ZAR1: variants seen among roughly 807,000 people sequenced by gnomAD.
ZAR1 encodes zygote arrest protein 1.
ZAR1 carries 37 observed loss-of-function variants against 38.3 expected under a neutral mutation model. The ratio of observed to expected loss-of-function variants is 0.97; its 90% CI spans 0.74 to 1.27. The LOEUF is 1.27. Ranked by LOEUF, ZAR1 falls within the 50% of genes most tolerant of loss-of-function variation. The probability of loss-of-function intolerance (pLI) is 0.00; values close to 1 mark genes in which losing one functional copy is unlikely to be tolerated. For synonymous variants in ZAR1, 336 were observed against 292.0 expected (o/e 1.15, Z -1.53); for missense variants, 651 against 632.4 (o/e 1.03, Z -0.32).
chr4:48,494,186 G>A lies in ZAR1; in HGVS notation c.1217G>A (p.Arg406Lys). Reference protein sequence around the residue: ...KRPHRQDLCGRCKGKRLSCDS... With the variant: ...KRPHRQDLCGKCKGKRLSCDS... Reference sequence around the variant, plus strand: ...CCCCACCGTCAAGATTTGTGCGGTAGATGCAAAGGCAAACGCCTGTCCTGT... The same window carrying A: ...CCCCACCGTCAAGATTTGTGCGGTAAATGCAAAGGCAAACGCCTGTCCTGT... The change falls in exon 4 of 4, where the codon AGA becomes AAA. Residue 406 changes from arginine to lysine, a missense_variant. This residue lies in a region of ZAR1 where 129 missense variants were observed against 172.5 expected (regional missense o/e 0.75). Transcript: ENST00000327939. The A allele has an allele frequency of 6.2e-7, 1 of 1,614,228 alleles. No individual in the cohort carries two copies.
At position 48,490,502 on chromosome 4, in the gene ZAR1, G is replaced by A; in HGVS notation, c.211G>A (p.Ala71Thr). 6.8e-7 allele frequency: 1 copy of A among 1,471,838 alleles called. No homozygotes were observed. The highest frequency in any genetic ancestry group is 8.9e-7 in the Non-Finnish European group (1 of 1,120,558). 91.2% of individuals were successfully genotyped at this position (1,471,838 alleles called of 1,614,324 possible). The change falls in exon 1 of 4, where the codon GCC (alanine) becomes ACC (threonine). Residue 71 changes from alanine to threonine, a missense_variant. This residue lies in a region of ZAR1 where 522 missense variants were observed against 459.9 expected (regional missense o/e 1.14). Coordinates refer to ENST00000327939, the MANE Select transcript of ZAR1 (RefSeq NM_175619.3). ...CTTCCCGGGCTGCGGGCGGCTGACG[G>A]CCGCCGAGTACTTCGACAGCTACCA... is the stretch of plus-strand genomic sequence containing the variant. ...LSFPGCGRLTAAEYFDSYQRE... is the reference protein window; with the variant it reads ...LSFPGCGRLTTAEYFDSYQRE...
chr4:48,496,965 CAAGA>C (rs1718647103), downstream of ZAR1, among the ~76,000 whole-genome samples: 2 of 152,206 alleles, frequency 1.3e-5, no homozygotes, highest in African/African-American at 4.8e-5. Context: ...GAGTCTTTTC[CAAGA>C]AAGCATGTAA....
Position 48,490,289 on chromosome 4 carries a change from C to T in ZAR1, c.-3C>T. The stretch of plus-strand genomic sequence containing the variant: ...TGCGGCGGCGGGCGGGAGCAGTGCG[C>T]CCATGGCGGCCCTGGGGGACGAGGT... On this transcript the variant is annotated 5_prime_UTR_variant, in exon 1 of 4. Coordinates refer to ENST00000327939, the MANE Select transcript of ZAR1 (RefSeq NM_175619.3). 6.7e-7 allele frequency: 1 copy of T among 1,499,768 alleles called. No individual in the cohort carries two copies. The highest frequency in any genetic ancestry group is 8.8e-7 in the Non-Finnish European group (1 of 1,130,812). The allele number at this position is 1,499,768 out of a possible 1,614,324, so 92.9% of individuals were successfully genotyped here.
rs1718483894 is a variant in ZAR1, at chr4:48,492,858, G to A, written c.1056G>A (p.Lys352=). The part of the protein sequence containing the change: ...AYVWCVQGTN[K]VYFKQFCRTC... Reference sequence around the variant, plus strand: ...TGTGGTGTGTACAGGGAACTAACAAGGTAAGAAATACCAGGTAACTGGCAT... The same window carrying A: ...TGTGGTGTGTACAGGGAACTAACAAAGTAAGAAATACCAGGTAACTGGCAT... Residue 352 remains lysine (K), a splice_region_variant and synonymous_variant, in exon 2 of 4, where the codon AAG becomes AAA. Transcript: ENST00000327939. 2 of 1,614,014 alleles carry A rather than the reference G, an allele frequency of 1.2e-6. No individual in the cohort carries two copies. Among genetic ancestry groups the A allele is most frequent in the African/African-American group, 2.7e-5 (2 of 74,926 alleles).
In ZAR1 at chr4:48,491,094, A is replaced by G; in HGVS notation, c.803A>G (p.Gln268Arg). The G allele has an allele frequency of 7.8e-7, 1 of 1,285,150 alleles. No homozygotes were observed. The highest frequency in any genetic ancestry group is 9.8e-7 in the Non-Finnish European group (1 of 1,018,708). The allele number at this position is 1,285,150 out of a possible 1,614,324, so 79.6% of individuals were successfully genotyped here. ...DGPELPPREA[Q>R]EGEAAPRSAL... ...CCCGAGCTGCCGCCGCGAGAGGCCC[A>G]GGAGGGCGAGGCGGCTCCGCGGTCG... Residue 268 changes from glutamine (Q) to arginine (R), a missense_variant, in exon 1 of 4, where the codon CAG (glutamine) becomes CGG (arginine). By Grantham distance (43) the Gln-to-Arg change is conservative. This residue lies in a region of ZAR1 where 522 missense variants were observed against 459.9 expected (regional missense o/e 1.14). Transcript: ENST00000327939.
intron 2 of ZAR1, 31 bp from the exon 3 acceptor site, chr4:48,492,907 G>A (rs17609740): frequency 0.03 from 48,719 of 1,613,972 alleles, 796 homozygotes; most frequent in Admixed American, 0.057. Flanking sequence ...GTGTCAAGGC[G>A]ATTTTAAGTT....
At chr4:48,497,006 T>A (rs1162623123), downstream of ZAR1, among the ~76,000 whole-genome samples, 1 of 152,216 alleles carries the variant, frequency 6.6e-6, no homozygotes, top group Non-Finnish European at 1.5e-5. Context: ...AGGGAGGTTA[T>A]GTGTTTTGCC....
chr4:48,490,764 G>A lies in ZAR1; in HGVS notation c.473G>A (p.Arg158Gln), dbSNP rs1391194094. The change falls in exon 1 of 4, where the codon CGA becomes CAA. Residue 158 changes from arginine (R) to glutamine (Q), a missense_variant. Around this residue, in one of 2 missense-constraint regions of ZAR1, gnomAD observed 522 missense variants for 459.9 expected, o/e 1.14. Transcript: ENST00000327939. ...TCTTTCTCCCAGCAGCCATCCCGTCGAGGCCTGGAGCAGGGCAGCCCCCAG... is the reference window on the plus strand; with the variant it reads ...TCTTTCTCCCAGCAGCCATCCCGTCAAGGCCTGGAGCAGGGCAGCCCCCAG... Reference protein sequence around the residue: ...GGSFSQQPSRRGLEQGSPQNG... With the variant: ...GGSFSQQPSRQGLEQGSPQNG... The A allele has an allele frequency of 2.1e-6, 3 of 1,455,846 alleles. No homozygotes were observed. Among genetic ancestry groups the A allele is most frequent in the African/African-American group, 1.5e-5 (1 of 68,538 alleles). 90.2% of individuals were successfully genotyped at this position (1,455,846 alleles called of 1,614,324 possible).
rs1362910448 is a variant in ZAR1 at position 48,490,404 on chromosome 4, G to A, written c.113G>A (p.Gly38Asp). The A allele has an allele frequency of 6.7e-7, 1 of 1,489,964 alleles. No homozygotes were observed. The highest frequency in any genetic ancestry group is 8.9e-7 in the Non-Finnish European group (1 of 1,123,906). 92.3% of individuals were successfully genotyped at this position (1,489,964 alleles called of 1,614,324 possible). ...AATKGKGAAG[G>D]SWQQRGRGCL... ...ACCAAGGGCAAGGGCGCGGCGGGCG[G>A]CAGCTGGCAGCAGCGCGGCAGGGGC... The change falls in exon 1 of 4, where the codon GGC (glycine) becomes GAC (aspartate). Residue 38 changes from glycine to aspartate, a missense_variant. Gly to Asp is a moderately conservative substitution (Grantham distance 94). Around this residue, in one of 2 missense-constraint regions of ZAR1, gnomAD observed 522 missense variants for 459.9 expected, o/e 1.14. Transcript: ENST00000327939.
downstream of ZAR1, among the ~76,000 whole-genome samples, chr4:48,495,705 G>A (rs1378860090): frequency 2.0e-5 from 3 of 152,202 alleles, no homozygotes; most frequent in East Asian, 5.8e-4. Context: ...TAAGGGACCT[G>A]ACTTAGGGAG....
In ZAR1 at chr4:48,490,387, C is replaced by T. The variant is rs1318437802; in HGVS notation, c.96C>T (p.Gly32=). The change falls in exon 1 of 4, where the codon GGC becomes GGT. Residue 32 remains glycine (G), a synonymous_variant. Transcript: ENST00000327939. ...ACCCATACCCCGCGGCCACCAAGGG[C>T]AAGGGCGCGGCGGGCGGCAGCTGGC... ...YRYPYPAATK[G]KGAAGGSWQQ... The T allele has an allele frequency of 1.3e-6, 2 of 1,501,094 alleles. No homozygotes were observed. The highest frequency in any genetic ancestry group is 1.8e-6 in the Non-Finnish European group (2 of 1,131,670). The allele number at this position is 1,501,094 out of a possible 1,614,324, so 93.0% of individuals were successfully genotyped here.
chr4:48,490,442 T>G lies in ZAR1; in HGVS notation c.151T>G (p.Ser51Ala). 1 of 1,468,122 alleles carries G rather than the reference T, an allele frequency of 6.8e-7. No homozygotes were observed. The highest frequency in any genetic ancestry group is 9.0e-7 in the Non-Finnish European group (1 of 1,116,200). The allele number at this position is 1,468,122 out of a possible 1,614,324, so 90.9% of individuals were successfully genotyped here. A position where few individuals can be genotyped will look rare whatever the true frequency, so the allele number is the denominator to read the frequency against. The stretch of plus-strand genomic sequence containing the variant: ...GCGCGGCAGGGGCTGCCTTCCCGCC[T>G]CCTCCCCCTGCTCGGCGGGCGCGGC... ...QQRGRGCLPA[S>A]SPCSAGAASL... The change falls in exon 1 of 4, where the codon TCC becomes GCC. Residue 51 changes from serine to alanine, a missense_variant. By Grantham distance (99) the Ser-to-Ala change is moderately conservative. Around this residue, in one of 2 missense-constraint regions of ZAR1, gnomAD observed 522 missense variants for 459.9 expected, o/e 1.14. Transcript: ENST00000327939.
intron 1 of ZAR1, among the ~76,000 whole-genome samples, chr4:48,491,570 ACG>A (rs1262908691): frequency 1.3e-5 from 2 of 151,988 alleles, no homozygotes; most frequent in Non-Finnish European, 2.9e-5. Flanking sequence ...CCCTGACCGC[ACG>A]GTTGGATTAC....
chr4:48,490,468 C>T lies in ZAR1; in HGVS notation c.177C>T (p.Ala59=). The change falls in exon 1 of 4, where the codon GCC becomes GCT. Residue 59 remains alanine (A), a synonymous_variant. Transcript: ENST00000327939. ...PASSPCSAGA[A]SLSFPGCGRL... Reference sequence around the variant, plus strand: ...CCTCCCCCTGCTCGGCGGGCGCGGCCTCGTTGTCCTTCCCGGGCTGCGGGC... The same window carrying T: ...CCTCCCCCTGCTCGGCGGGCGCGGCTTCGTTGTCCTTCCCGGGCTGCGGGC... The T allele has an allele frequency of 6.8e-7, 1 of 1,465,668 alleles. No homozygotes were observed. The highest frequency in any genetic ancestry group is 8.9e-7 in the Non-Finnish European group (1 of 1,118,504). 90.8% of individuals were successfully genotyped at this position (1,465,668 alleles called of 1,614,324 possible).
rs1718489044 is a variant in ZAR1, at chr4:48,493,013, G to A, written c.1131+1G>A. 6.2e-7 allele frequency: 1 copy of A among 1,613,990 alleles called. No homozygotes were observed. Among genetic ancestry groups the A allele is most frequent in the African/African-American group, 1.3e-5 (1 of 74,932 alleles). ...CCGAGTGGAGGATATCACCTGTCAA[G>A]TAAATCAGATGTTTTGCATTTTGTC... On this transcript the variant is annotated splice_donor_variant, in intron 3 of 3. Coordinates refer to ENST00000327939, the MANE Select transcript of ZAR1 (RefSeq NM_175619.3). LOFTEE classifies it high-confidence loss of function.
At position 48,491,045 on chromosome 4, in the gene ZAR1, A is replaced by G; in HGVS notation, c.754A>G (p.Ser252Gly). Residue 252 changes from serine to glycine, a missense_variant, in exon 1 of 4, where the codon AGC becomes GGC. This residue lies in a region of ZAR1 where 522 missense variants were observed against 459.9 expected (regional missense o/e 1.14). Transcript: ENST00000327939. ...CGAGGCCCAGGCCGCAGTCCGAGCG[A>G]GCTGGGAGCAGCCGGCCGACGGTCC... is the stretch of plus-strand genomic sequence containing the variant. ...DGEAQAAVRA[S>G]WEQPADGPEL... 7.5e-7 allele frequency: 1 copy of G among 1,340,424 alleles called. No individual in the cohort carries two copies. The highest frequency in any genetic ancestry group is 9.5e-7 in the Non-Finnish European group (1 of 1,051,518). 83.0% of individuals were successfully genotyped at this position (1,340,424 alleles called of 1,614,324 possible).
At chr4:48,491,338 A>G in intron 1 of ZAR1, 84 bp downstream of exon 1, 1 of 1,075,054 alleles carries the variant, frequency 9.3e-7, no homozygotes. Context: ...TGCTTCGGGC[A>G]CTCGGAGGTG....
In ZAR1 at chr4:48,490,431, G is replaced by A. The variant is rs1201055213; in HGVS notation, c.140G>A (p.Cys47Tyr). The change falls in exon 1 of 4, where the codon TGC becomes TAC. Residue 47 changes from cysteine (C) to tyrosine (Y), a missense_variant. Coordinates refer to ENST00000327939, the MANE Select transcript of ZAR1 (RefSeq NM_175619.3). Reference sequence around the variant, plus strand: ...AGCTGGCAGCAGCGCGGCAGGGGCTGCCTTCCCGCCTCCTCCCCCTGCTCG... The same window carrying A: ...AGCTGGCAGCAGCGCGGCAGGGGCTACCTTCCCGCCTCCTCCCCCTGCTCG... ...GGSWQQRGRGCLPASSPCSAG... is the reference protein window; with the variant it reads ...GGSWQQRGRGYLPASSPCSAG... 1 of 1,475,958 alleles carries A rather than the reference G, an allele frequency of 6.8e-7. No homozygotes were observed. Among genetic ancestry groups the A allele is most frequent in the Admixed American group, 2.4e-5 (1 of 42,400 alleles). 91.4% of individuals were successfully genotyped at this position (1,475,958 alleles called of 1,614,324 possible).
In ZAR1 at chr4:48,490,546, T is replaced by C. The variant is rs1319940699; in HGVS notation, c.255T>C (p.Ala85=). 1 of 1,447,960 alleles carries C rather than the reference T, an allele frequency of 6.9e-7. No homozygotes were observed. Among genetic ancestry groups the C allele is most frequent in the East Asian group, 3.0e-5 (1 of 33,700 alleles). 89.7% of individuals were successfully genotyped at this position (1,447,960 alleles called of 1,614,324 possible). ...GCTACCAGCGGGAGCGGCTCATGGC[T>C]CTCCTGGCGCAGGTGGGGCCGGGTC... ...FDSYQRERLM[A]LLAQVGPGLG... is the part of the protein sequence containing the mutation. The change falls in exon 1 of 4, where the codon GCT becomes GCC. Residue 85 remains alanine (A), a synonymous_variant. Coordinates refer to ENST00000327939, the MANE Select transcript of ZAR1 (RefSeq NM_175619.3).
Sources: allele counts gnomAD v4.1 joint callset (sites outside exome capture counted in the v4.1 genomes callset), GRCh38; gene constraint gnomAD v4.1.1; regional missense constraint gnomAD v4.1.1; transcripts MANE v1.5; gene names NCBI Gene and HGNC (gene_info 2026-07-23, HGNC 2026-07-21).